Variants in IQSEC1 observed in about 807,000 individuals in gnomAD.
IQSEC1 encodes IQ motif and Sec7 domain ArfGEF 1.
In IQSEC1, 31 loss-of-function variants were observed where a neutral mutation model predicts 91.0. The ratio of observed to expected loss-of-function variants is 0.34; its 90% CI spans 0.26 to 0.46. The LOEUF is 0.46. Ranked by LOEUF, IQSEC1 falls within the 20% of genes least tolerant of loss-of-function variation. The pLI, the probability that IQSEC1 is intolerant of heterozygous loss-of-function variation, is 1.00. For missense variants in IQSEC1, 1,388 were observed against 1,575.6 expected (o/e 0.88, Z 2.02); for synonymous variants, 699 against 662.6 (o/e 1.05, Z -0.84).
intron 1 of IQSEC1, among the ~76,000 whole-genome samples, chr3:12,945,745 A>G (rs1185138172): frequency 6.6e-6 from 1 of 152,232 alleles, no homozygotes; most frequent in Middle Eastern, 3.2e-3. Flanking sequence ...GCAGTGCAGT[A>G]TTAGACCCTA....
intron 1 of IQSEC1, among the ~76,000 whole-genome samples, chr3:13,264,660 C>T (rs1414198211): frequency 6.6e-6 from 1 of 152,032 alleles, no homozygotes; most frequent in Non-Finnish European, 1.5e-5. Flanking sequence ...CTGGCAGGCT[C>T]GCGAAGCAAG....
At chr3:13,194,210 T>C (rs1340274875) in intron 1 of IQSEC1, among the ~76,000 whole-genome samples, 2 of 152,030 alleles carry the variant, frequency 1.3e-5, no homozygotes, top group African/African-American at 4.8e-5. Flanking sequence ...GCCTATGAAT[T>C]TGGGGGTGTG....
rs561798762 is a variant in IQSEC1, at chr3:13,044,688, C to T, written c.23+28304G>A. 6.6e-5 allele frequency among the ~76,000 whole-genome samples: 10 copies of T among 152,310 alleles called. No individual in the cohort carries two copies. In the East Asian group the frequency reaches 1.2e-3, roughly 18 times the overall value. On this transcript the variant is annotated intron_variant, in intron 1 of 13. Coordinates refer to ENST00000613206, the MANE Select transcript of IQSEC1 (RefSeq NM_001134382.3). Reference sequence around the variant, plus strand: ...CCTGAAGTGCTGCCCACTCCTCCCCCGCCCCCCCACACTCCTGGAGAAGGA... The same window carrying T: ...CCTGAAGTGCTGCCCACTCCTCCCCTGCCCCCCCACACTCCTGGAGAAGGA...
At chr3:13,140,465 G>A (rs1414826593) in intron 2 of IQSEC1, among the ~76,000 whole-genome samples, 1 of 152,216 alleles carries the variant, frequency 6.6e-6, no homozygotes, top group African/African-American at 2.4e-5. Context: ...CTGAACATAG[G>A]CCAGACCATC....
In IQSEC1 at chr3:12,900,199, A is replaced by G. The variant is rs1694091845; in HGVS notation, c.*784T>C. The stretch of plus-strand genomic sequence containing the variant: ...TACAAAGCAATACTGGACTTTTTAA[A>G]CAGTTAGATGCTATGTTACTTGGCA... On this transcript the variant is annotated 3_prime_UTR_variant, in exon 14 of 14. Transcript: ENST00000613206. 1.0e-6 allele frequency: 1 copy of G among 979,218 alleles called. No homozygotes were observed. Among genetic ancestry groups the G allele is most frequent in the South Asian group, 4.7e-5 (1 of 21,166 alleles). The allele number at this position is 979,218 out of a possible 1,614,324, so 60.7% of individuals were successfully genotyped here. A position where few individuals can be genotyped will look rare whatever the true frequency, so the allele number is the denominator to read the frequency against.
intron 1 of IQSEC1, among the ~76,000 whole-genome samples, chr3:12,971,659 TAA>T (rs1700903188): frequency 6.6e-6 from 1 of 152,198 alleles, no homozygotes; most frequent in African/African-American, 2.4e-5. Context: ...GATTACTTCT[TAA>T]AAGAGACCCA....
intron 1 of IQSEC1, among the ~76,000 whole-genome samples, chr3:13,029,699 C>T (rs909825537): frequency 6.6e-6 from 1 of 152,234 alleles, no homozygotes; most frequent in Non-Finnish European, 1.5e-5. Flanking sequence ...TGTGTGCGCA[C>T]ATGCGGTGTG....
intron 2 of IQSEC1, among the ~76,000 whole-genome samples, chr3:13,090,040 C>T (rs1705810872): frequency 6.6e-6 from 1 of 150,678 alleles, no homozygotes; most frequent in Admixed American, 6.7e-5. Context: ...ACGGTGAAAC[C>T]CCGTCTCCAC....
At position 13,106,653 on chromosome 3, in the gene IQSEC1, G is replaced by T. The variant is rs1413045248; in HGVS notation, c.302+57451C>A. On this transcript the variant is annotated intron_variant, in intron 2 of 15. Coordinates refer to the IQSEC1 transcript ENST00000648114. Reference sequence around the variant, plus strand: ...ACAGAACAAGGCTGATCCACATTGAGTGGATGAATAATAAATAGTGCATGA... The same window carrying T: ...ACAGAACAAGGCTGATCCACATTGATTGGATGAATAATAAATAGTGCATGA... Among the ~76,000 whole-genome samples, 3 of 152,202 alleles carry T rather than the reference G, an allele frequency of 2.0e-5. No individual in the cohort carries two copies. In the East Asian group the frequency reaches 5.8e-4, roughly 29 times the overall value.
intron 1 of IQSEC1, among the ~76,000 whole-genome samples, chr3:13,069,956 C>G (rs1489221663): frequency 2.0e-5 from 3 of 152,206 alleles, no homozygotes; most frequent in Admixed American, 6.5e-5. Context: ...CATCCTTTAT[C>G]CCATCCAGTG....
intron 1 of IQSEC1, among the ~76,000 whole-genome samples, chr3:13,205,424 T>C (rs937973031): frequency 6.6e-6 from 1 of 152,034 alleles, no homozygotes; most frequent in African/African-American, 2.4e-5. Flanking sequence ...AACGTTCCTG[T>C]TAGTCCCATC....
chr3:13,071,104 A>G (rs452946), intron 1 of IQSEC1, among the ~76,000 whole-genome samples: 77,518 of 150,420 alleles, frequency 0.52, 20,234 homozygotes, highest in East Asian at 0.66. Context: ...CCCTCCCCCA[A>G]ACCTAGAAAC....
intron 1 of IQSEC1, among the ~76,000 whole-genome samples, chr3:13,030,873 G>A (rs981535039): frequency 6.6e-6 from 1 of 152,382 alleles, no homozygotes; most frequent in East Asian, 1.9e-4. Flanking sequence ...TTACAACTCC[G>A]AGGTTCACCT....
intron 2 of IQSEC1, among the ~76,000 whole-genome samples, chr3:13,114,807 A>AG (rs1326077427): frequency 6.6e-6 from 1 of 151,946 alleles, no homozygotes; most frequent in African/African-American, 2.4e-5. Context: ...AAAAAAAAAA[A>AG]AAAGAATTAC....
At chr3:12,964,112 T>G (rs1700410360) in intron 1 of IQSEC1, among the ~76,000 whole-genome samples, 1 of 152,178 alleles carries the variant, frequency 6.6e-6, no homozygotes, top group African/African-American at 2.4e-5. Flanking sequence ...GGTGGCATCA[T>G]GCCATACTTC....
intron 1 of IQSEC1, among the ~76,000 whole-genome samples, chr3:13,175,325 C>G (rs1245663514): frequency 6.6e-6 from 1 of 152,158 alleles, no homozygotes; most frequent in African/African-American, 2.4e-5. Flanking sequence ...CTGCCTGGAA[C>G]AAAGCAAATG....
rs929378413 is a variant in IQSEC1, at chr3:12,925,769, G to A, written c.1569-1027C>T. ...CGGCATGTGTGTCGTGGGCTGATGG[G>A]GCCTAGCGCCAGGCCAGAGCACACC... On this transcript the variant is annotated intron_variant, in intron 3 of 13. Transcript: ENST00000613206. Among the ~76,000 whole-genome samples, 5 of 152,342 alleles carry A rather than the reference G, an allele frequency of 3.3e-5. No homozygotes were observed. In the East Asian group the frequency reaches 9.7e-4, roughly 29 times the overall value.
intron 12 of IQSEC1, among the ~76,000 whole-genome samples, chr3:12,907,347 G>A (rs1695089313): frequency 6.6e-6 from 1 of 152,328 alleles, no homozygotes; most frequent in Non-Finnish European, 1.5e-5. Flanking sequence ...GAGTCCTAAG[G>A]TGGGGCAGGT....
intron 1 of IQSEC1, among the ~76,000 whole-genome samples, chr3:12,988,729 A>G (rs1701856269): frequency 1.3e-5 from 2 of 152,218 alleles, no homozygotes; most frequent in African/African-American, 4.8e-5. Flanking sequence ...CTCTTGACCC[A>G]TGCAGTGGTC....
Sources: allele counts gnomAD v4.1 joint callset (sites outside exome capture counted in the v4.1 genomes callset), GRCh38; gene constraint gnomAD v4.1.1; transcripts MANE v1.5; gene names NCBI Gene and HGNC (gene_info 2026-07-23, HGNC 2026-07-21).